AP2S1: variants seen among roughly 807,000 people sequenced by gnomAD.
The protein encoded by AP2S1 is AP-2 complex subunit sigma.
In AP2S1, 6 loss-of-function variants were observed where a neutral mutation model predicts 21.0. The ratio of observed to expected loss-of-function variants is 0.29; its 90% CI spans 0.16 to 0.56. The LOEUF is 0.56. AP2S1 is among the 20% of genes least tolerant of loss of function. AP2S1 has a pLI of 0.92. For synonymous variants in AP2S1, 63 were observed against 74.6 expected (o/e 0.84, Z 0.80); for missense variants, 60 against 186.2 (o/e 0.32, Z 3.95).
At chr19:46,840,840 C>T (rs2055508201) in intron 2 of AP2S1, among the ~76,000 whole-genome samples, 1 of 151,490 alleles carries the variant, frequency 6.6e-6, no homozygotes, top group Non-Finnish European at 1.5e-5. Context: ...GCCTCAGTCT[C>T]CCGAGTAGCT....
At chr19:46,842,458 G>A (rs182756425) in intron 2 of AP2S1, among the ~76,000 whole-genome samples, 2 of 152,302 alleles carry the variant, frequency 1.3e-5, no homozygotes, top group South Asian at 2.1e-4. Context: ...CACAGAGGAG[G>A]CACACAGAAA....
At chr19:46,850,356 C>T in intron 1 of AP2S1, 17 of 1,244,520 alleles carry the variant, frequency 1.4e-5, no homozygotes, top group Non-Finnish European at 1.7e-5. Context: ...TTTCCAAGGT[C>T]TCGCGTTCTC....
intron 1 of AP2S1, among the ~76,000 whole-genome samples, chr19:46,847,494 C>A (rs962052037): frequency 6.6e-6 from 1 of 152,072 alleles, no homozygotes. Context: ...CTGCATCAGG[C>A]GTGAGCCACT....
rs556956074 is a variant in AP2S1, at chr19:46,839,741, C to A, written c.154-163G>T. 23 of 1,242,478 alleles carry A rather than the reference C, an allele frequency of 1.9e-5. No homozygotes were observed. The South Asian group carries it at 2.9e-4, about 16-fold the overall frequency. The allele number at this position is 1,242,478 out of a possible 1,614,324, so 77.0% of individuals were successfully genotyped here. A position where few individuals can be genotyped will look rare whatever the true frequency, so the allele number is the denominator to read the frequency against. ...ACAGCAGTGACCGAGACAGCCCTAA[C>A]CCTGCTCACAGTGCAGCGGGGGCAG... On this transcript the variant is annotated intron_variant, in intron 2 of 4. Coordinates refer to ENST00000263270, the MANE Select transcript of AP2S1 (RefSeq NM_004069.6).
In AP2S1 at chr19:46,838,918, G is replaced by T; in HGVS notation, c.268-119C>A. On this transcript the variant is annotated intron_variant, in intron 3 of 4. Coordinates refer to ENST00000263270, the MANE Select transcript of AP2S1 (RefSeq NM_004069.6). The surrounding 1 kb of genome is among the most constrained non-coding windows in gnomAD (Gnocchi z 4.1). ...AAAAAGAGACCAAGGGGGAGGCAGG[G>T]GAGAGAGAGAGACAGTGACAGGGAG... 2 of 822,904 alleles carry T rather than the reference G, an allele frequency of 2.4e-6. No individual in the cohort carries two copies. The highest frequency in any genetic ancestry group is 2.0e-6 in the Non-Finnish European group (1 of 500,112). The allele number at this position is 822,904 out of a possible 1,614,324, so 51.0% of individuals were successfully genotyped here. A position where few individuals can be genotyped will look rare whatever the true frequency, so the allele number is the denominator to read the frequency against.
intron 3 of AP2S1, among the ~76,000 whole-genome samples, chr19:46,839,231 G>A (rs2055466374): frequency 7.4e-6 from 1 of 135,114 alleles, no homozygotes; most frequent in African/African-American, 2.7e-5. Flanking sequence ...AGGCTGCAAT[G>A]AGCCAAGATT....
At position 46,839,460 on chromosome 19, in the gene AP2S1, C is replaced by T. The variant is rs312186; in HGVS notation, c.267+5G>A. 294,107 of 1,609,702 alleles carry T rather than the reference C, an allele frequency of 0.18. 35,509 individuals are homozygous for T. Among genetic ancestry groups the T allele is most frequent in the East Asian group, 0.49 (21,724 of 44,574 alleles). ...TCCCCACCTTACATCCCTCTCCCGC[C>T]GTACCTCCACGAAGTTGTGAATGGC... On this transcript the variant is annotated splice_donor_5th_base_variant and intron_variant, in intron 3 of 4. Transcript: ENST00000263270.
intron 2 of AP2S1, 156 bp downstream of exon 2, chr19:46,845,837 G>C (rs2055621597): frequency 2.2e-6 from 2 of 894,412 alleles, no homozygotes; most frequent in East Asian, 2.7e-5. Flanking sequence ...TACAAGTAAA[G>C]GAAGGGAAGA....
intron 1 of AP2S1, among the ~76,000 whole-genome samples, chr19:46,847,012 C>T (rs1048500063): frequency 3.3e-5 from 5 of 151,966 alleles, no homozygotes; most frequent in African/African-American, 4.8e-5. Context: ...AAACTTAGTT[C>T]GGTGGCTGGT....
intron 1 of AP2S1, among the ~76,000 whole-genome samples, chr19:46,847,403 A>G (rs2055655261): frequency 6.6e-6 from 1 of 152,044 alleles, no homozygotes; most frequent in Non-Finnish European, 1.5e-5. Context: ...TTTTTAGTAG[A>G]GACAGTGTTT....
intron 2 of AP2S1, among the ~76,000 whole-genome samples, chr19:46,840,966 G>GA (rs1298218581): frequency 6.0e-5 from 9 of 149,638 alleles, no homozygotes; most frequent in Non-Finnish European, 1.3e-4. Context: ...TTGTTTTTTG[G>GA]TTTTTTTGAG....
chr19:46,844,918 A>G (rs934051543), intron 2 of AP2S1, among the ~76,000 whole-genome samples: 1 of 152,000 alleles, frequency 6.6e-6, no homozygotes, highest in Non-Finnish European at 1.5e-5. Context: ...TCTGACCAAC[A>G]TGGTGAAACC....
At chr19:46,848,820 C>G (rs1021445744) in intron 1 of AP2S1, among the ~76,000 whole-genome samples, 2 of 152,180 alleles carry the variant, frequency 1.3e-5, no homozygotes, top group African/African-American at 4.8e-5. Flanking sequence ...TCAAGCGATT[C>G]TCCTGCCTCA....
At position 46,845,413 on chromosome 19, in the gene AP2S1, GTAATTAAT is replaced by G. The variant is rs112340362; in HGVS notation, c.153+572_153+579del. On this transcript the variant is annotated intron_variant, in intron 2 of 4. Coordinates refer to ENST00000263270, the MANE Select transcript of AP2S1 (RefSeq NM_004069.6). ...AGAGTAAGACTCTGTCTCAAAAAAA[GTAATTAAT>G]TAATTAATTAATTAATTAATTCAAT... 5.6e-3 allele frequency among the ~76,000 whole-genome samples: 841 copies of G among 149,304 alleles called. 2 individuals carry two copies. Among genetic ancestry groups the G allele is most frequent in the Non-Finnish European group, 7.3e-3 (491 of 67,502 alleles).
chr19:46,840,238 C>G lies in AP2S1; in HGVS notation c.154-660G>C, dbSNP rs75849271. The stretch of plus-strand genomic sequence containing the variant: ...CATGCCAGGATCAGGGACATGGATT[C>G]TCATTTTATGCGCGTGTTAAGTAGA... On this transcript the variant is annotated intron_variant, in intron 2 of 4. Transcript: ENST00000263270. 7.9e-3 allele frequency among the ~76,000 whole-genome samples: 1,198 copies of G among 151,852 alleles called. 22 individuals are homozygous for G. Among genetic ancestry groups the G allele is most frequent in the African/African-American group, 0.027 (1,130 of 41,372 alleles).
At chr19:46,840,367 CAAAAAAAA>C (rs60907407) in intron 2 of AP2S1, among the ~76,000 whole-genome samples, 4 of 100,426 alleles carry the variant, frequency 4.0e-5, no homozygotes, top group African/African-American at 7.2e-5. Context: ...AGGTTCATTA[CAAAAAAAA>C]AAAAAAAAAA....
chr19:46,843,329 T>C (rs1215331711), intron 2 of AP2S1, among the ~76,000 whole-genome samples: 2 of 152,168 alleles, frequency 1.3e-5, no homozygotes, highest in Non-Finnish European at 2.9e-5. Flanking sequence ...TCTTGCCCTA[T>C]AGCGCAGCCT....
chr19:46,840,781 G>A (rs548444244), intron 2 of AP2S1, among the ~76,000 whole-genome samples: 3 of 137,174 alleles, frequency 2.2e-5, no homozygotes, highest in African/African-American at 5.7e-5. Flanking sequence ...GCAGTGGCTC[G>A]ATCTCGGCTC....
In AP2S1 at chr19:46,846,150, C is replaced by T. The variant is rs2055628454; in HGVS notation, c.4-8G>A. 2 of 1,613,796 alleles carry T rather than the reference C, an allele frequency of 1.2e-6. No individual in the cohort carries two copies. Among genetic ancestry groups the T allele is most frequent in the South Asian group, 2.2e-5 (2 of 91,062 alleles). On this transcript the variant is annotated splice_polypyrimidine_tract_variant and splice_region_variant and intron_variant, in intron 1 of 4. Coordinates refer to ENST00000263270, the MANE Select transcript of AP2S1 (RefSeq NM_004069.6). ...GATGAGGATAAAGCGGATCTGGGGG[C>T]AGCAGGAGGAGAAGGAGGAAGTGAG...
Sources: gnomAD v4.1 joint callset for allele counts (sites outside exome capture counted in the v4.1 genomes callset) on GRCh38, gnomAD v4.1.1 for gene constraint, Gnocchi (gnomAD v3.1) non-coding constraint, MANE v1.5 for transcripts, NCBI Gene and HGNC (gene_info 2026-07-23, HGNC 2026-07-21) for gene names.